The following LRRC8C variants were observed in gnomAD, a reference collection of about 807,000 sequenced individuals.
LRRC8C encodes the protein volume-regulated anion channel subunit LRRC8C.
LRRC8C carries 20 observed loss-of-function variants against 55.3 expected under a neutral mutation model. The observed-to-expected ratio is 0.36, with a 90% CI of 0.25 to 0.53. The LOEUF (loss-of-function observed/expected upper bound fraction) is 0.53, where lower values mean the gene tolerates loss of function less well. LRRC8C is among the 20% of genes least tolerant of loss of function. LRRC8C has a pLI of 0.92. For synonymous variants in LRRC8C, 376 were observed against 360.7 expected (o/e 1.04, Z -0.48); for missense variants, 659 against 951.4 (o/e 0.69, Z 4.04).
rs1043553741 is a variant in LRRC8C at position 89,715,133 on chromosome 1, T to C, written c.*151T>C. On this transcript the variant is annotated 3_prime_UTR_variant, in exon 3 of 3. Transcript: ENST00000370454. Reference sequence around the variant, plus strand: ...AGGAGTATGTATTTTTAATAAAAATTTAATTGTATTTTTTCAATATTAATA... The same window carrying C: ...AGGAGTATGTATTTTTAATAAAAATCTAATTGTATTTTTTCAATATTAATA... 2 of 434,192 alleles carry C rather than the reference T, an allele frequency of 4.6e-6. No homozygotes were observed. The highest frequency in any genetic ancestry group is 7.1e-5 in the East Asian group (2 of 28,106). 26.9% of individuals were successfully genotyped at this position (434,192 alleles called of 1,614,324 possible).
intron 2 of LRRC8C, among the ~76,000 whole-genome samples, chr1:89,711,725 T>C (rs964438985): frequency 2.6e-5 from 4 of 152,240 alleles, no homozygotes; most frequent in Non-Finnish European, 4.4e-5. Context: ...CAGCTTAATA[T>C]TCTTTTCAAC....
chr1:89,639,525 C>A (rs375640771), intron 1 of LRRC8C, among the ~76,000 whole-genome samples: 2 of 152,150 alleles, frequency 1.3e-5, no homozygotes, highest in Non-Finnish European at 2.9e-5. Flanking sequence ...CCCTTCCCCC[C>A]CAACAACTCA....
At chr1:89,702,364 A>G (rs17130858) in intron 2 of LRRC8C, among the ~76,000 whole-genome samples, 20,794 of 152,152 alleles carry the variant, frequency 0.14, 1,898 homozygotes, top group East Asian at 0.43. Context: ...ATGCAAGATG[A>G]AATTAAGTTT....
chr1:89,680,654 G>A (rs746565201), intron 1 of LRRC8C, among the ~76,000 whole-genome samples: 6 of 150,746 alleles, frequency 4.0e-5, no homozygotes, highest in Admixed American at 6.6e-5. Context: ...TCTGACTCCC[G>A]GGTTCAAGCA....
intron 1 of LRRC8C, among the ~76,000 whole-genome samples, chr1:89,662,289 A>C (rs1657141977): frequency 6.6e-6 from 1 of 152,226 alleles, no homozygotes; most frequent in African/African-American, 2.4e-5. Flanking sequence ...TAGAAGGCCC[A>C]GTGTGGCTGG....
chr1:89,676,439 CT>C (rs1264233807), intron 1 of LRRC8C: 2 of 152,178 alleles, frequency 1.3e-5, no homozygotes, highest in East Asian at 1.9e-4. Flanking sequence ...AGTGGATGTT[CT>C]TTGAATAATC....
At chr1:89,684,073 T>C (rs887430853) in intron 1 of LRRC8C, among the ~76,000 whole-genome samples, 2 of 152,104 alleles carry the variant, frequency 1.3e-5, no homozygotes, top group Non-Finnish European at 2.9e-5. Context: ...GTTTACTTTT[T>C]AATAAATTAT....
intron 1 of LRRC8C, among the ~76,000 whole-genome samples, chr1:89,681,182 T>C (rs1204108044): frequency 1.3e-5 from 2 of 151,818 alleles, no homozygotes; most frequent in Non-Finnish European, 3.0e-5. Context: ...CTCTTGAAAT[T>C]GTCGCAAATC....
chr1:89,692,237 G>A (rs1172432567), intron 2 of LRRC8C, among the ~76,000 whole-genome samples: 2 of 152,164 alleles, frequency 1.3e-5, no homozygotes, highest in African/African-American at 4.8e-5. Flanking sequence ...TAAATTGAAA[G>A]TGTATCATTC....
chr1:89,698,116 CTCTT>C (rs1351143600), intron 2 of LRRC8C, among the ~76,000 whole-genome samples: 1 of 152,142 alleles, frequency 6.6e-6, no homozygotes, highest in Non-Finnish European at 1.5e-5. Context: ...ATCTGGTACT[CTCTT>C]TGTGTCTCTT....
chr1:89,699,560 T>C (rs1302237727), intron 2 of LRRC8C, among the ~76,000 whole-genome samples: 3 of 152,192 alleles, frequency 2.0e-5, no homozygotes, highest in African/African-American at 7.2e-5. Context: ...AAAAGTCTTT[T>C]TAAAAAGTAG....
chr1:89,717,514 G>GTA lies in LRRC8C; in HGVS notation c.*2535_*2536dup, dbSNP rs1195837849. 6.6e-6 allele frequency: 1 copy of GTA among 152,128 alleles called. No homozygotes were observed. The highest frequency in any genetic ancestry group is 2.4e-5 in the African/African-American group (1 of 41,428). 9.4% of individuals were successfully genotyped at this position (152,128 alleles called of 1,614,324 possible). ...AGTTTTGATAACATCTGGTAAGTCA[G>GTA]TATAGTTCTGTGACTTCATGTTTTA... On this transcript the variant is annotated 3_prime_UTR_variant, in exon 3 of 3. Transcript: ENST00000370454.
intron 1 of LRRC8C, among the ~76,000 whole-genome samples, chr1:89,639,344 A>G (rs1025077424): frequency 5.3e-5 from 8 of 151,890 alleles, no homozygotes; most frequent in African/African-American, 1.9e-4. Flanking sequence ...GTTCACAACA[A>G]GTAGATCTGG....
chr1:89,622,575 C>T, the LRRC8C span, among the ~76,000 whole-genome samples: 3 of 152,120 alleles, frequency 2.0e-5, no homozygotes, highest in Non-Finnish European at 2.9e-5. Context: ...CCTTGCGATC[C>T]GCCCGCCTCG....
In LRRC8C at chr1:89,699,991, G is replaced by A. The variant is rs187629108; in HGVS notation, c.139-12718G>A. ...AATCAATCTCATGCGTTTGGACAAC[G>A]AGTGCTTTCTTTGTCCTCTAGCATC... On this transcript the variant is annotated intron_variant, in intron 2 of 2. Coordinates refer to ENST00000370454, the MANE Select transcript of LRRC8C (RefSeq NM_032270.5). Among the ~76,000 whole-genome samples, 728 of 152,294 alleles carry A rather than the reference G, an allele frequency of 4.8e-3. 5 individuals carry two copies. Among genetic ancestry groups the A allele is most frequent in the Non-Finnish European group, 8.1e-3 (554 of 68,022 alleles).
At chr1:89,678,641 A>G (rs754586987) in intron 1 of LRRC8C, among the ~76,000 whole-genome samples, 111 of 150,652 alleles carry the variant, frequency 7.4e-4, no homozygotes, top group Non-Finnish European at 1.4e-3. Context: ...CAGATATTGC[A>G]GTGAGCCAAG....
intron 1 of LRRC8C, among the ~76,000 whole-genome samples, chr1:89,652,780 C>T (rs1013124773): frequency 6.6e-6 from 1 of 152,018 alleles, no homozygotes; most frequent in Non-Finnish European, 1.5e-5. Context: ...TGGCAAGTTA[C>T]GGGGTCGCAG....
At position 89,686,407 on chromosome 1, in the gene LRRC8C, G is replaced by A. The variant is rs986986796; in HGVS notation, c.-4-63G>A. 5.1e-6 allele frequency: 8 copies of A among 1,568,750 alleles called. No homozygotes were observed. The African/African-American group carries it at 8.1e-5, about 16-fold the overall frequency. ...CTGTGAGGAGTTGGAGCCACATTTGGTAACAATGCAGTATGTTGTACTGGA... is the reference window on the plus strand; with the variant it reads ...CTGTGAGGAGTTGGAGCCACATTTGATAACAATGCAGTATGTTGTACTGGA... On this transcript the variant is annotated intron_variant, in intron 1 of 2. Coordinates refer to ENST00000370454, the MANE Select transcript of LRRC8C (RefSeq NM_032270.5).
chr1:89,695,910 T>C (rs1658160441), intron 2 of LRRC8C, among the ~76,000 whole-genome samples: 1 of 152,202 alleles, frequency 6.6e-6, no homozygotes, highest in Non-Finnish European at 1.5e-5. Flanking sequence ...TACAGTTTTA[T>C]TGTGAAAAAA....
Sources: gnomAD v4.1 joint callset for allele counts (sites outside exome capture counted in the v4.1 genomes callset) on GRCh38, gnomAD v4.1.1 for gene constraint, MANE v1.5 for transcripts, NCBI Gene and HGNC (gene_info 2026-07-23, HGNC 2026-07-21) for gene names.